The following GRK3 variants were observed in gnomAD, a reference collection of about 807,000 sequenced individuals.
GRK3 encodes the protein G protein-coupled receptor kinase 3, also known as adrenergic, beta, receptor kinase 2.
GRK3 carries 54 observed loss-of-function variants against 95.7 expected under a neutral mutation model. The ratio of observed to expected loss-of-function variants is 0.56; its 90% CI spans 0.45 to 0.71. The LOEUF is 0.71. Among genes scored for constraint, GRK3 ranks in the 30% least tolerant of loss-of-function variants. The pLI, the probability that GRK3 is intolerant of heterozygous loss-of-function variation, is 0.00. For synonymous variants in GRK3, 281 were observed against 290.8 expected, an observed-to-expected ratio of 0.97 and a Z score of 0.34; for missense variants, 649 against 851.2, an observed-to-expected ratio of 0.76 and a Z score of 2.96.
chr22:25,675,348 C>G (rs2146418110), intron 8 of GRK3, among the ~76,000 whole-genome samples: 1 of 152,276 alleles, frequency 6.6e-6, no homozygotes, highest in African/African-American at 2.4e-5. Context: ...CATCACTCAC[C>G]TTGGTTAACG....
At chr22:25,638,331 A>T (rs1303528206) in intron 2 of GRK3, among the ~76,000 whole-genome samples, 2 of 152,236 alleles carry the variant, frequency 1.3e-5, no homozygotes, top group Admixed American at 1.3e-4. Context: ...CTGTTACATG[A>T]TAAAGGGACA....
At chr22:25,721,801 A>C (rs1218780480) in intron 20 of GRK3, among the ~76,000 whole-genome samples, 1 of 152,214 alleles carries the variant, frequency 6.6e-6, no homozygotes, top group African/African-American at 2.4e-5. Flanking sequence ...TTGTAACACA[A>C]ATTTCATTCC....
intron 17 of GRK3, 137 bp from the exon 18 acceptor site, chr22:25,714,271 C>T (rs1271919539): frequency 4.6e-6 from 3 of 651,958 alleles, no homozygotes; most frequent in Non-Finnish European, 5.0e-6. Context: ...AAGAACCTGC[C>T]TCGAAATGAT....
chr22:25,611,172 A>C (rs1402017491), intron 2 of GRK3, among the ~76,000 whole-genome samples: 1 of 152,072 alleles, frequency 6.6e-6, no homozygotes, highest in Non-Finnish European at 1.5e-5. Flanking sequence ...TACAGAGCAC[A>C]CTCACTTCAT....
intron 2 of GRK3, among the ~76,000 whole-genome samples, chr22:25,614,846 A>G (rs1181282970): frequency 6.6e-6 from 1 of 152,188 alleles, no homozygotes; most frequent in Non-Finnish European, 1.5e-5. Context: ...CATTCAATCA[A>G]ATATATTTGA....
intron 2 of GRK3, among the ~76,000 whole-genome samples, chr22:25,644,286 G>A (rs988419979): frequency 2.6e-5 from 4 of 151,954 alleles, no homozygotes; most frequent in African/African-American, 9.7e-5. Context: ...ACAATGGTCA[G>A]CGGCTCCAAG....
chr22:25,619,164 A>G (rs2084561805), intron 2 of GRK3, among the ~76,000 whole-genome samples: 1 of 152,192 alleles, frequency 6.6e-6, no homozygotes, highest in Admixed American at 6.5e-5. Context: ...GTGCAACACA[A>G]ACATGATGGT....
chr22:25,690,806 T>C (rs1009811654), intron 12 of GRK3, among the ~76,000 whole-genome samples: 2 of 152,328 alleles, frequency 1.3e-5, no homozygotes, highest in Admixed American at 6.5e-5. Flanking sequence ...TTTCTTTCTT[T>C]CTTTTTTAAT....
chr22:25,698,440 G>A (rs1394781006), intron 13 of GRK3, among the ~76,000 whole-genome samples: 3 of 152,230 alleles, frequency 2.0e-5, no homozygotes, highest in Non-Finnish European at 4.4e-5. Flanking sequence ...CACAGACATG[G>A]CAGAACCAAT....
At position 25,688,207 on chromosome 22, in the gene GRK3, G is replaced by A. The variant is rs992005851; in HGVS notation, c.957+540G>A. Among the ~76,000 whole-genome samples, 3 of 139,702 alleles carry A rather than the reference G, an allele frequency of 2.1e-5. No homozygotes were observed. The Admixed American group carries it at 2.3e-4, about 11-fold the overall frequency. The allele number at this position is 139,702 out of a possible 152,430, so 91.6% of individuals were successfully genotyped here. On this transcript the variant is annotated intron_variant, in intron 11 of 20. Coordinates refer to ENST00000324198, the MANE Select transcript of GRK3 (RefSeq NM_005160.4). ...GCTGAGATTGCACCACTGCACTCCA[G>A]CCTGGACAACAGAGCAAGACTCTGT...
rs117377878 is a variant in GRK3 at position 25,702,116 on chromosome 22, T to C, written c.1161-1394T>C. 2.7e-3 allele frequency among the ~76,000 whole-genome samples: 409 copies of C among 152,246 alleles called. 3 individuals are homozygous for C. In the East Asian group the frequency reaches 0.032, roughly 12 times the overall value. On this transcript the variant is annotated intron_variant, in intron 13 of 20. Coordinates refer to ENST00000324198, the MANE Select transcript of GRK3 (RefSeq NM_005160.4). ...TTTTTTTTTTTCCCAAATTAATGCT[T>C]TTAAGAGATGGCAATTAGTTTGTGT...
At position 25,703,507 on chromosome 22, in the gene GRK3, C is replaced by T. The variant is rs376092756; in HGVS notation, c.1161-3C>T. 5 of 1,608,994 alleles carry T rather than the reference C, an allele frequency of 3.1e-6. No individual in the cohort carries two copies. In the African/African-American group the frequency reaches 4.0e-5, roughly 13 times the overall value. ...TTGATAGAACAATTCTTTATTTCTA[C>T]AGTCACAGCCCTTTCAGACAACATA... On this transcript the variant is annotated splice_region_variant and splice_polypyrimidine_tract_variant and intron_variant, in intron 13 of 20. Transcript: ENST00000324198.
intron 1 of GRK3, 61 bp from the exon 2 acceptor site, chr22:25,604,316 T>C (rs2084429172): frequency 8.1e-7 from 1 of 1,231,352 alleles, no homozygotes; most frequent in Non-Finnish European, 1.2e-6. Flanking sequence ...TCTTCCATCC[T>C]GGGGATGGTT....
At chr22:25,643,897 T>C (rs1203302768) in intron 2 of GRK3, among the ~76,000 whole-genome samples, 2 of 152,166 alleles carry the variant, frequency 1.3e-5, no homozygotes, top group Middle Eastern at 3.2e-3. Flanking sequence ...CAGAGCACAG[T>C]TGGCTTTTGA....
chr22:25,571,390 A>G (rs1045883361), intron 1 of GRK3, among the ~76,000 whole-genome samples: 4 of 152,234 alleles, frequency 2.6e-5, no homozygotes, highest in Non-Finnish European at 5.9e-5. Context: ...TAATGTCCCA[A>G]TAAAAATCTG....
intron 1 of GRK3, among the ~76,000 whole-genome samples, chr22:25,573,469 T>A (rs1365689040): frequency 6.6e-6 from 1 of 152,198 alleles, no homozygotes; most frequent in Non-Finnish European, 1.5e-5. Flanking sequence ...GTTACATGTG[T>A]ATTATGACAA....
chr22:25,632,847 A>G (rs1601488623), intron 2 of GRK3, among the ~76,000 whole-genome samples: 2 of 152,082 alleles, frequency 1.3e-5, no homozygotes, highest in African/African-American at 4.8e-5. Context: ...TCATTGATCT[A>G]TGTGTTTATC....
At chr22:25,673,127 T>C (rs1171379385) in intron 7 of GRK3, among the ~76,000 whole-genome samples, 1 of 150,490 alleles carries the variant, frequency 6.6e-6, no homozygotes, top group African/African-American at 2.4e-5. Context: ...AGTGGCGCGA[T>C]CTCTGCTCAC....
rs139526151 is a variant in GRK3 at position 25,669,655 on chromosome 22, A to G, written c.503+1855A>G. ...CTCAGTAACCAGGCATTGATTGGGA[A>G]TAGCACTCAAATAACCCCCGTGGAG... On this transcript the variant is annotated intron_variant, in intron 6 of 20. Transcript: ENST00000324198. Among the ~76,000 whole-genome samples, 1,368 of 152,336 alleles carry G rather than the reference A, an allele frequency of 9.0e-3. 20 individuals are homozygous for G. Among genetic ancestry groups the G allele is most frequent in the African/African-American group, 0.029 (1,192 of 41,568 alleles).
Sources: allele counts gnomAD v4.1 joint callset (sites outside exome capture counted in the v4.1 genomes callset), GRCh38; gene constraint gnomAD v4.1.1; transcripts MANE v1.5; gene names NCBI Gene and HGNC (gene_info 2026-07-23, HGNC 2026-07-21).